The following CSMD3 variants were observed in gnomAD, a reference collection of about 807,000 sequenced individuals.
CSMD3 encodes CUB and sushi domain-containing protein 3.
Under a neutral mutation model 435.2 loss-of-function variants are expected in CSMD3, and 177 were observed. That is an observed-to-expected ratio of 0.41 (90% CI 0.36 to 0.46). The LOEUF is 0.46. Among genes scored for constraint, CSMD3 ranks in the 20% least tolerant of loss-of-function variants. The probability of loss-of-function intolerance (pLI) is 0.34; values close to 1 mark genes in which losing one functional copy is unlikely to be tolerated. For synonymous variants in CSMD3, 1,656 were observed against 1,520.5 expected (o/e 1.09, Z -2.07); for missense variants, 4,265 against 4,504.6 (o/e 0.95, Z 1.52).
At chr8:113,347,562 G>C (rs1017083018) in intron 1 of CSMD3, among the ~76,000 whole-genome samples, 7 of 152,088 alleles carry the variant, frequency 4.6e-5, no homozygotes, top group African/African-American at 1.7e-4. Flanking sequence ...GAGTGGGAGC[G>C]ACAGCTAAGA....
intron 31 of CSMD3, among the ~76,000 whole-genome samples, chr8:112,490,548 C>T (rs960946155): frequency 2.6e-5 from 4 of 152,156 alleles, no homozygotes; most frequent in African/African-American, 9.6e-5. Flanking sequence ...ACTTTTTCAC[C>T]TGTCATTGAA....
At chr8:112,541,759 AC>A (rs1826686017) in intron 27 of CSMD3, among the ~76,000 whole-genome samples, 2 of 151,964 alleles carry the variant, frequency 1.3e-5, no homozygotes, top group African/African-American at 2.4e-5. Context: ...CCAAAAACAA[AC>A]AAAAAAATTT....
At chr8:112,881,896 A>C (rs1295573163) in intron 10 of CSMD3, among the ~76,000 whole-genome samples, 3 of 151,972 alleles carry the variant, frequency 2.0e-5, no homozygotes, top group Non-Finnish European at 4.4e-5. Flanking sequence ...TCTCTATGCA[A>C]AATAATAATA....
At chr8:112,542,849 G>A (rs1037462921) in intron 27 of CSMD3, among the ~76,000 whole-genome samples, 2 of 151,978 alleles carry the variant, frequency 1.3e-5, no homozygotes. Context: ...AAACTGTATG[G>A]TACTGGCACA....
intron 1 of CSMD3, among the ~76,000 whole-genome samples, chr8:113,412,590 A>G (rs2094564329): frequency 6.6e-6 from 1 of 152,146 alleles, no homozygotes; most frequent in Non-Finnish European, 1.5e-5. Context: ...GTTGAAATAT[A>G]TGTGCTGGGG....
intron 5 of CSMD3, among the ~76,000 whole-genome samples, chr8:113,092,002 A>G (rs780560946): frequency 2.6e-5 from 4 of 151,956 alleles, no homozygotes; most frequent in Non-Finnish European, 4.4e-5. Flanking sequence ...TATTTGTGGT[A>G]TCTATTTTTG....
chr8:112,536,545 A>G (rs866467603), intron 27 of CSMD3, among the ~76,000 whole-genome samples: 56 of 152,294 alleles, frequency 3.7e-4, no homozygotes, highest in Middle Eastern at 3.4e-3. Context: ...ATGTGGAGAA[A>G]TAGGAACACT....
At chr8:113,419,512 C>A (rs1309087221) in intron 1 of CSMD3, among the ~76,000 whole-genome samples, 1 of 152,104 alleles carries the variant, frequency 6.6e-6, no homozygotes. Flanking sequence ...GCATAAAAAG[C>A]TCTGCTTGGT....
intron 1 of CSMD3, among the ~76,000 whole-genome samples, chr8:113,353,864 T>C (rs922623550): frequency 2.6e-5 from 4 of 152,172 alleles, no homozygotes; most frequent in Admixed American, 6.6e-5. Flanking sequence ...TTTTAAGAAT[T>C]ACTTCATTTC....
intron 11 of CSMD3, among the ~76,000 whole-genome samples, chr8:112,850,164 T>C (rs1165406696): frequency 6.6e-6 from 1 of 152,148 alleles, no homozygotes; most frequent in Non-Finnish European, 1.5e-5. Context: ...TTCCTTCTGA[T>C]AAATCAACAC....
chr8:113,284,416 T>G (rs570422099), intron 2 of CSMD3, among the ~76,000 whole-genome samples: 30 of 152,192 alleles, frequency 2.0e-4, no homozygotes, highest in Non-Finnish European at 2.6e-4. Flanking sequence ...ATCATAAGAA[T>G]ATAAATTTAT....
At position 113,154,502 on chromosome 8, in the gene CSMD3, C is replaced by G. The variant is rs2091894623; in HGVS notation, c.709+19220G>C. ...AACTCAACAAATATTTATTGAGTAA[C>G]TACTATGGGATAAGTCCTGTGTACA... is the stretch of plus-strand genomic sequence containing the variant. On this transcript the variant is annotated intron_variant, in intron 4 of 70. Transcript: ENST00000297405. Among the ~76,000 whole-genome samples, 3 of 151,874 alleles carry G rather than the reference C, an allele frequency of 2.0e-5. No homozygotes were observed. The South Asian group carries it at 6.2e-4, about 31-fold the overall frequency.
At chr8:112,911,490 T>C (rs1201184843) in intron 10 of CSMD3, among the ~76,000 whole-genome samples, 2 of 151,736 alleles carry the variant, frequency 1.3e-5, no homozygotes. Context: ...ATTCCACATG[T>C]AAGTGAGATC....
chr8:113,069,020 G>C (rs912313543), intron 5 of CSMD3, among the ~76,000 whole-genome samples: 6 of 131,470 alleles, frequency 4.6e-5, no homozygotes, highest in African/African-American at 1.9e-4. Flanking sequence ...CTTAACCAAG[G>C]TTTCAAGTGA....
intron 2 of CSMD3, chr8:113,309,568 C>T (rs1057404024): frequency 6.6e-6 from 1 of 152,172 alleles, no homozygotes; most frequent in Non-Finnish European, 1.5e-5. Flanking sequence ...CTTTACCTAT[C>T]CATTTGTTTT....
At chr8:112,629,900 CT>C (rs2074467472) in intron 22 of CSMD3, among the ~76,000 whole-genome samples, 1 of 152,186 alleles carries the variant, frequency 6.6e-6, no homozygotes, top group South Asian at 2.1e-4. Flanking sequence ...AAAACTTCAT[CT>C]TCCTCGCAGA....
At chr8:112,998,184 T>G (rs2085726486) in intron 6 of CSMD3, among the ~76,000 whole-genome samples, 1 of 151,862 alleles carries the variant, frequency 6.6e-6, no homozygotes, top group African/African-American at 2.4e-5. Context: ...ATAATTTAAA[T>G]AAATAATGAT....
At chr8:112,960,129 T>C (rs2084173911) in intron 7 of CSMD3, among the ~76,000 whole-genome samples, 1 of 151,812 alleles carries the variant, frequency 6.6e-6, no homozygotes, top group African/African-American at 2.4e-5. Flanking sequence ...TTTTTTTGTT[T>C]GTTTAAAAGT....
chr8:112,724,559 G>GT (rs925174860), intron 13 of CSMD3, among the ~76,000 whole-genome samples: 4 of 152,032 alleles, frequency 2.6e-5, no homozygotes, highest in Non-Finnish European at 4.4e-5. Context: ...AAGCAGTTTG[G>GT]TAAAAAATCA....
Sources: gnomAD v4.1 joint callset for allele counts (sites outside exome capture counted in the v4.1 genomes callset) on GRCh38, gnomAD v4.1.1 for gene constraint, MANE v1.5 for transcripts, NCBI Gene and HGNC (gene_info 2026-07-23, HGNC 2026-07-21) for gene names.